The following CGREF1 variants were observed in gnomAD, a reference collection of about 807,000 sequenced individuals.
CGREF1 encodes cell growth regulator with EF hand domain protein 1.
In CGREF1, 16 loss-of-function variants were observed where a neutral mutation model predicts 17.4. The ratio of observed to expected loss-of-function variants is 0.92; its 90% CI spans 0.62 to 1.40. The LOEUF (loss-of-function observed/expected upper bound fraction) is 1.40. Ranked by LOEUF, CGREF1 falls within the 40% of genes most tolerant of loss-of-function variation. The pLI, the probability that CGREF1 is intolerant of heterozygous loss-of-function variation, is 0.00. For synonymous variants in CGREF1, 142 were observed against 154.6 expected (o/e 0.92, Z 0.61); for missense variants, 296 against 376.4 (o/e 0.79, Z 1.77).
At chr2:27,105,671 C>A (rs1051912901) in intron 1 of CGREF1, among the ~76,000 whole-genome samples, 1 of 152,094 alleles carries the variant, frequency 6.6e-6, no homozygotes, top group Non-Finnish European at 1.5e-5. Context: ...CTCAGCCTCC[C>A]GAGTAGCTGG....
intron 1 of CGREF1, among the ~76,000 whole-genome samples, chr2:27,109,135 T>G (rs1253014587): frequency 6.6e-6 from 1 of 151,820 alleles, no homozygotes; most frequent in African/African-American, 2.4e-5. Flanking sequence ...TTTGGGAAGC[T>G]GAGGTGGAAG....
chr2:27,111,256 C>CG (rs1671368450), intron 1 of CGREF1, among the ~76,000 whole-genome samples: 1 of 152,174 alleles, frequency 6.6e-6, no homozygotes, highest in African/African-American at 2.4e-5. Flanking sequence ...AGGTTCTCCA[C>CG]GTCCCCACTA....
At chr2:27,104,687 A>G (rs1213992494) in intron 1 of CGREF1, 3 of 1,550,366 alleles carry the variant, frequency 1.9e-6, no homozygotes, top group African/African-American at 2.7e-5. Flanking sequence ...CAAGGTGCCC[A>G]GAGAAGTACA....
rs542484362 is a variant in CGREF1 at position 27,117,286 on chromosome 2, G to C, written c.-12+1560C>G. Among the ~76,000 whole-genome samples, 12 of 152,324 alleles carry C rather than the reference G, an allele frequency of 7.9e-5. No homozygotes were observed. In the South Asian group the frequency reaches 2.5e-3, roughly 32 times the overall value. ...CCTCAGTGGTTTAAGGAAAGGCTAA[G>C]ACACCTCATGTAATGTGTAATGAGG... On this transcript the variant is annotated intron_variant, in intron 1 of 5. Coordinates refer to ENST00000402394, the MANE Select transcript of CGREF1 (RefSeq NM_006569.6).
At chr2:27,099,670 A>G (rs61735560), downstream of CGREF1, 368 of 1,614,048 alleles carry the variant, frequency 2.3e-4, 2 homozygotes, top group African/African-American at 4.6e-3. Context: ...TCCAGGGAGG[A>G]GCGTGCAGGA....
At chr2:27,102,273 G>A (rs75388820) in intron 4 of CGREF1, 52 bp from the exon 5 acceptor site, 74,965 of 1,611,646 alleles carry the variant, frequency 0.047, 2,091 homozygotes, top group Non-Finnish European at 0.054. Flanking sequence ...GGTGGAGAAG[G>A]CAGGAGTCAA....
chr2:27,116,914 TC>T (rs1558466963), intron 1 of CGREF1, among the ~76,000 whole-genome samples: 3,461 of 98,230 alleles, frequency 0.035, 251 homozygotes, highest in African/African-American at 0.078. Context: ...TCTCTCTCTC[TC>T]TCTCTCTCTT....
downstream of CGREF1, chr2:27,099,876 T>C (rs182984752): frequency 3.2e-6 from 5 of 1,547,488 alleles, no homozygotes; most frequent in African/African-American, 5.5e-5. Context: ...TGGGGAGGAC[T>C]CTGCCTGTGT....
Position 27,101,091 on chromosome 2 carries a change from T to G in CGREF1, c.*183A>C. 1 of 1,361,316 alleles carries G rather than the reference T, an allele frequency of 7.3e-7. No homozygotes were observed. The allele number at this position is 1,361,316 out of a possible 1,614,324, so 84.3% of individuals were successfully genotyped here. ...TGGCCGGGGGGATGAATTCATTCAG[T>G]TCTTTATTGGTAATCTGCCCCTTAA... On this transcript the variant is annotated 3_prime_UTR_variant, in exon 6 of 6. Transcript: ENST00000402394.
At chr2:27,101,995 TC>T (rs1670891671) in intron 5 of CGREF1, 101 bp downstream of exon 5, 1 of 1,559,348 alleles carries the variant, frequency 6.4e-7, no homozygotes, top group South Asian at 1.2e-5. Context: ...CTCTGAGCCC[TC>T]CTTTTACAGA....
intron 1 of CGREF1, among the ~76,000 whole-genome samples, chr2:27,105,546 C>CG (rs1553346729): frequency 1.2e-4 from 1 of 8,558 alleles, no homozygotes; most frequent in African/African-American, 1.4e-4. Context: ...TGTCATTTTT[C>CG]TTTTTTTTCT....
chr2:27,100,778 G>C lies in CGREF1; in HGVS notation c.*496C>G, dbSNP rs1324459950. 1 of 1,111,666 alleles carries C rather than the reference G, an allele frequency of 9.0e-7. No individual in the cohort carries two copies. The highest frequency in any genetic ancestry group is 1.1e-6 in the Non-Finnish European group (1 of 902,262). 68.9% of individuals were successfully genotyped at this position (1,111,666 alleles called of 1,614,324 possible). A position where few individuals can be genotyped will look rare whatever the true frequency, so the allele number is the denominator to read the frequency against. ...CTGATGTGTACAAGGCTCTCAAAAAGTTCTAGTGATGATTAATATTACTGG... is the reference window on the plus strand; with the variant it reads ...CTGATGTGTACAAGGCTCTCAAAAACTTCTAGTGATGATTAATATTACTGG... On this transcript the variant is annotated 3_prime_UTR_variant, in exon 6 of 6. Coordinates refer to ENST00000402394, the MANE Select transcript of CGREF1 (RefSeq NM_006569.6).
rs761368909 is a variant in CGREF1, at chr2:27,101,722, G to T, written c.509C>A (p.Ser170Tyr). 1.9e-6 allele frequency: 3 copies of T among 1,614,234 alleles called. No homozygotes were observed. Among genetic ancestry groups the T allele is most frequent in the Non-Finnish European group, 2.5e-6 (3 of 1,180,052 alleles). ...TCTTAATGGGCTTTTAGCTAATAGGGACTGCCTTCCAACAGCTTGTGGCTC... is the reference window on the plus strand; with the variant it reads ...TCTTAATGGGCTTTTAGCTAATAGGTACTGCCTTCCAACAGCTTGTGGCTC... ...PQEPQAVGRQ[S>Y]LLAKSPLRQE... is the part of the protein sequence containing the mutation. Residue 170 changes from serine to tyrosine, a missense_variant, in exon 6 of 6, where the codon TCC (serine) becomes TAC (tyrosine). Physicochemically the swap from Ser to Tyr is moderately radical, Grantham distance 144. This residue lies in a region of CGREF1 where 247 missense variants were observed against 267.2 expected (regional missense o/e 0.92). Transcript: ENST00000402394.
At chr2:27,117,984 C>T (rs577474137) in intron 1 of CGREF1, among the ~76,000 whole-genome samples, 115 of 152,270 alleles carry the variant, frequency 7.6e-4, no homozygotes, top group Non-Finnish European at 1.5e-3. Context: ...TCCCAAAGTG[C>T]TGGGATTACA....
At position 27,101,841 on chromosome 2, in the gene CGREF1, C is replaced by A. The variant is rs780591514; in HGVS notation, c.390G>T (p.Gly130=). The A allele has an allele frequency of 4.3e-5, 70 of 1,613,906 alleles. No individual in the cohort carries two copies. Among genetic ancestry groups the A allele is most frequent in the Non-Finnish European group, 5.8e-5 (68 of 1,180,010 alleles). Residue 130 remains glycine (G), a synonymous_variant, in exon 6 of 6, where the codon GGG becomes GGT. Coordinates refer to ENST00000402394, the MANE Select transcript of CGREF1 (RefSeq NM_006569.6). ...DKVLETQDLN[G]DGLMTPAELI... ...GCTCAGCAGGGGTCATGAGCCCATCCCCATTCAGGTCCTGGGTCTCGAGCA... is the reference window on the plus strand; with the variant it reads ...GCTCAGCAGGGGTCATGAGCCCATCACCATTCAGGTCCTGGGTCTCGAGCA...
chr2:27,116,223 C>CAAA (rs34733143), intron 1 of CGREF1, among the ~76,000 whole-genome samples: 26 of 104,218 alleles, frequency 2.5e-4, no homozygotes, highest in Non-Finnish European at 3.6e-4. Context: ...AAGATGCCAC[C>CAAA]AAAAAAAAAA....
Position 27,101,886 on chromosome 2 carries a change from C to G in CGREF1, c.345G>C (p.Val115=), listed in dbSNP as rs766375960. The G allele has an allele frequency of 1.2e-6, 2 of 1,609,950 alleles. No homozygotes were observed. Among genetic ancestry groups the G allele is most frequent in the East Asian group, 4.5e-5 (2 of 44,820 alleles). ...GAANSPTTNP[V]ILIVDKVLET... ...CGAGCACTTTGTCCACTATCAAGAT[C>G]ACCTGTGGAAGCAGAGTCACTGTGG... Residue 115 remains valine (V), a splice_region_variant and synonymous_variant, in exon 6 of 6, where the codon GTG becomes GTC. Transcript: ENST00000402394.
chr2:27,117,705 ATTTTTT>A (rs35908937), intron 1 of CGREF1, among the ~76,000 whole-genome samples: 1 of 123,176 alleles, frequency 8.1e-6, no homozygotes, highest in Non-Finnish European at 1.6e-5. Context: ...TGGGATCTGA[ATTTTTT>A]TTTTTTTTTT....
chr2:27,117,429 A>G (rs778007020), intron 1 of CGREF1, among the ~76,000 whole-genome samples: 3 of 152,274 alleles, frequency 2.0e-5, no homozygotes, highest in Non-Finnish European at 4.4e-5. Context: ...ACCATTTTCT[A>G]TAACTATAAT....
Sources: allele counts gnomAD v4.1 joint callset (sites outside exome capture counted in the v4.1 genomes callset), GRCh38; gene constraint gnomAD v4.1.1; regional missense constraint gnomAD v4.1.1; transcripts MANE v1.5; gene names NCBI Gene and HGNC (gene_info 2026-07-23, HGNC 2026-07-21).